Variants in RBFOX1 observed in about 807,000 individuals in gnomAD.
RBFOX1 encodes RNA binding protein fox-1 homolog 1.
Under a neutral mutation model 57.7 loss-of-function variants are expected in RBFOX1, and 8 were observed. That is an observed-to-expected ratio of 0.14 (90% CI 0.08 to 0.25). The LOEUF is 0.25. RBFOX1 is among the 10% of genes least tolerant of loss of function. The pLI, the probability that RBFOX1 is intolerant of heterozygous loss-of-function variation, is 1.00. For synonymous variants in RBFOX1, 326 were observed against 222.4 expected, an observed-to-expected ratio of 1.47 and a Z score of -4.15; for missense variants, 611 against 548.5, an observed-to-expected ratio of 1.11 and a Z score of -1.14.
At chr16:6,335,791 GAAAAA>G (rs1251093700) in intron 2 of RBFOX1, among the ~76,000 whole-genome samples, 2 of 118,972 alleles carry the variant, frequency 1.7e-5, no homozygotes, top group South Asian at 2.7e-4. Flanking sequence ...AAAAAAAAAA[GAAAAA>G]AAAAAGAAAA....
rs1411412431 is a variant in RBFOX1, at chr16:5,322,530, C to A, written c.219+82425C>A. On this transcript the variant is annotated intron_variant, in intron 1 of 2. Transcript: ENST00000585867. ...TTCTTGGGGATCATCTTCTTTAATC[C>A]TCCGGCAAGACTAGGTCTCCAAATC... Among the ~76,000 whole-genome samples the A allele has an allele frequency of 1.3e-5, 2 of 152,102 alleles. 1 individual carries two copies. The highest frequency in any genetic ancestry group is 4.1e-4 in the South Asian group (2 of 4,824).
intron 3 of RBFOX1, among the ~76,000 whole-genome samples, chr16:6,999,653 C>A (rs2092615244): frequency 1.3e-5 from 2 of 151,918 alleles, no homozygotes; most frequent in African/African-American, 2.4e-5. Context: ...TTCTCCCTTC[C>A]CCATCAATAT....
chr16:7,285,634 C>T (rs2095635793), intron 4 of RBFOX1, among the ~76,000 whole-genome samples: 1 of 151,466 alleles, frequency 6.6e-6, no homozygotes, highest in Non-Finnish European at 1.5e-5. Context: ...CCATATAGTA[C>T]CTGACTTTTA....
chr16:5,936,798 C>T (rs778126085), intron 4 of RBFOX1, among the ~76,000 whole-genome samples: 3 of 152,126 alleles, frequency 2.0e-5, no homozygotes, highest in Non-Finnish European at 4.4e-5. Context: ...GCAGCAGAGA[C>T]AGCACATGCC....
At chr16:5,484,821 A>G (rs1024957390) in intron 2 of RBFOX1, among the ~76,000 whole-genome samples, 1 of 151,790 alleles carries the variant, frequency 6.6e-6, no homozygotes, top group Non-Finnish European at 1.5e-5. Context: ...CTGAGGCAGG[A>G]GAATCACTTG....
intron 1 of RBFOX1, among the ~76,000 whole-genome samples, chr16:5,442,623 A>C (rs1384343206): frequency 1.3e-5 from 2 of 152,168 alleles, no homozygotes; most frequent in Non-Finnish European, 2.9e-5. Flanking sequence ...TTAAAAACCA[A>C]TTGGGCTTGG....
At chr16:7,277,122 G>A (rs1476348055) in intron 4 of RBFOX1, among the ~76,000 whole-genome samples, 4 of 152,160 alleles carry the variant, frequency 2.6e-5, no homozygotes, top group Non-Finnish European at 5.9e-5. Context: ...TGACTATACT[G>A]CTGTTCTGTT....
chr16:6,720,882 C>A (rs111801345), intron 3 of RBFOX1, among the ~76,000 whole-genome samples: 1 of 152,128 alleles, frequency 6.6e-6, no homozygotes, highest in Non-Finnish European at 1.5e-5. Flanking sequence ...TTGCACAATC[C>A]ATCCATTTTA....
At chr16:5,747,375 G>A (rs1266649864) in intron 3 of RBFOX1, among the ~76,000 whole-genome samples, 3 of 152,116 alleles carry the variant, frequency 2.0e-5, no homozygotes, top group Non-Finnish European at 4.4e-5. Flanking sequence ...CCAGGCTTTG[G>A]TATCAGGATG....
At chr16:6,196,563 C>T (rs143394022) in intron 1 of RBFOX1, among the ~76,000 whole-genome samples, 2 of 152,100 alleles carry the variant, frequency 1.3e-5, no homozygotes, top group African/African-American at 2.4e-5. Flanking sequence ...GCCAAATCCA[C>T]CCCCCAAATG....
At chr16:5,407,227 T>C (rs186810144) in intron 1 of RBFOX1, among the ~76,000 whole-genome samples, 4 of 152,156 alleles carry the variant, frequency 2.6e-5, no homozygotes, top group Non-Finnish European at 5.9e-5. Flanking sequence ...GAGAACAGCA[T>C]GGGGGAAACT....
At chr16:5,418,648 C>G (rs1382322126) in intron 1 of RBFOX1, among the ~76,000 whole-genome samples, 2 of 152,068 alleles carry the variant, frequency 1.3e-5, no homozygotes, top group East Asian at 1.9e-4. Context: ...CCTCCCTTGT[C>G]CTCGCTCCTC....
chr16:5,252,331 G>T (rs113687472), intron 1 of RBFOX1, among the ~76,000 whole-genome samples: 20 of 152,170 alleles, frequency 1.3e-4, no homozygotes, highest in Admixed American at 3.3e-4. Context: ...CATTTCTTTG[G>T]GGGGCAAGTA....
At chr16:5,547,868 G>A (rs1352810295) in intron 2 of RBFOX1, among the ~76,000 whole-genome samples, 1 of 151,910 alleles carries the variant, frequency 6.6e-6, no homozygotes, top group Admixed American at 6.6e-5. Context: ...ACGTAAAGAT[G>A]GCAACCATAG....
chr16:6,866,541 A>AATTTTTTTTT (rs761820657), intron 3 of RBFOX1, among the ~76,000 whole-genome samples: 2,870 of 78,738 alleles, frequency 0.036, 311 homozygotes, highest in African/African-American at 0.15. Flanking sequence ...CTTTCCTTCT[A>AATTTTTTTTT]TTTTTTTTTT....
At chr16:7,530,338 G>A (rs1229998479) in intron 5 of RBFOX1, among the ~76,000 whole-genome samples, 1 of 152,008 alleles carries the variant, frequency 6.6e-6, no homozygotes, top group East Asian at 1.9e-4. Context: ...CATACCCGGG[G>A]TTATCTCTGC....
intron 4 of RBFOX1, among the ~76,000 whole-genome samples, chr16:7,276,852 G>A (rs1207299078): frequency 1.3e-5 from 2 of 152,150 alleles, no homozygotes; most frequent in Admixed American, 1.3e-4. Flanking sequence ...TCAGAAGTGT[G>A]GGCTTCTGTC....
At chr16:7,413,681 C>A (rs922917952) in intron 4 of RBFOX1, among the ~76,000 whole-genome samples, 1 of 151,992 alleles carries the variant, frequency 6.6e-6, no homozygotes. Flanking sequence ...AAAAGTATTC[C>A]TCAGCGGGTG....
intron 12 of RBFOX1, among the ~76,000 whole-genome samples, chr16:7,659,125 C>G (rs1203746273): frequency 6.6e-6 from 1 of 152,180 alleles, no homozygotes; most frequent in Non-Finnish European, 1.5e-5. Flanking sequence ...TGCCCTTTCT[C>G]AGGTAATTGT....
Sources: allele counts gnomAD v4.1 joint callset (sites outside exome capture counted in the v4.1 genomes callset), GRCh38; gene constraint gnomAD v4.1.1; transcripts MANE v1.5; gene names NCBI Gene and HGNC (gene_info 2026-07-23, HGNC 2026-07-21).